The following SDCCAG8 variants were observed in gnomAD, a reference collection of about 807,000 sequenced individuals.
SDCCAG8 encodes the protein SHH signaling and ciliogenesis regulator SDCCAG8.
SDCCAG8 carries 74 observed loss-of-function variants against 101.8 expected under a neutral mutation model. The observed-to-expected ratio is 0.73, with a 90% CI of 0.60 to 0.88. The LOEUF (loss-of-function observed/expected upper bound fraction) is 0.88. SDCCAG8 is among the 40% of genes least tolerant of loss of function. The pLI, the probability that SDCCAG8 is intolerant of heterozygous loss-of-function variation, is 0.00. For synonymous variants in SDCCAG8, 281 were observed against 292.9 expected (o/e 0.96, Z 0.41); for missense variants, 787 against 822.6 (o/e 0.96, Z 0.53).
chr1:243,347,512 G>A lies in SDCCAG8; in HGVS notation c.1473+3181G>A, dbSNP rs1573466790. On this transcript the variant is annotated intron_variant, in intron 12 of 17. Transcript: ENST00000366541. ...TAGTAAAATTTCATCTTTCTTTGTT[G>A]TTGTCTGTTAAATTTTGTACATAAT... Among the ~76,000 whole-genome samples the A allele has an allele frequency of 2.0e-5, 3 of 152,208 alleles. No individual in the cohort carries two copies. In the South Asian group the frequency reaches 6.2e-4, roughly 32 times the overall value.
At chr1:243,268,608 A>G (rs1572861731) in intron 1 of SDCCAG8, among the ~76,000 whole-genome samples, 1 of 152,370 alleles carries the variant, frequency 6.6e-6, no homozygotes, top group East Asian at 1.9e-4. Context: ...CCTGAAATAC[A>G]TGTTTTCTTT....
chr1:243,494,522 C>T (rs1667322010), intron 17 of SDCCAG8, among the ~76,000 whole-genome samples: 1 of 152,168 alleles, frequency 6.6e-6, no homozygotes, highest in South Asian at 2.1e-4. Flanking sequence ...AGAAACTTCC[C>T]CAAACACCTC....
chr1:243,439,013 A>G (rs2082344001), intron 16 of SDCCAG8, among the ~76,000 whole-genome samples: 1 of 152,232 alleles, frequency 6.6e-6, no homozygotes, highest in African/African-American at 2.4e-5. Flanking sequence ...GAACCTGTGC[A>G]AGGATTAAAT....
chr1:243,274,785 A>T, intron 4 of SDCCAG8, 129 bp downstream of exon 4: 1 of 614,654 alleles, frequency 1.6e-6, no homozygotes, highest in Non-Finnish European at 3.0e-6. Flanking sequence ...TTCTTACGTG[A>T]TTGAGAGACT....
Position 243,451,607 on chromosome 1 carries a change from T to C in SDCCAG8, c.1985+25049T>C, listed in dbSNP as rs180792106. On this transcript the variant is annotated intron_variant, in intron 16 of 17. Coordinates refer to ENST00000366541, the MANE Select transcript of SDCCAG8 (RefSeq NM_006642.5). ...TAAGCACACATTGTACACACATGCA[T>C]ACAGACACTTACGTATATATACTAA... 3.3e-3 allele frequency among the ~76,000 whole-genome samples: 500 copies of C among 152,218 alleles called. 4 individuals are homozygous for C. The highest frequency in any genetic ancestry group is 0.012 in the African/African-American group (491 of 41,518).
At chr1:243,290,987 G>C (rs1280484855) in intron 5 of SDCCAG8, among the ~76,000 whole-genome samples, 1 of 152,150 alleles carries the variant, frequency 6.6e-6, no homozygotes, top group Non-Finnish European at 1.5e-5. Flanking sequence ...CACAGTGTCT[G>C]AACACCATAG....
At chr1:243,257,728 C>A (rs963116165) in intron 1 of SDCCAG8, among the ~76,000 whole-genome samples, 1 of 152,112 alleles carries the variant, frequency 6.6e-6, no homozygotes, top group Non-Finnish European at 1.5e-5. Flanking sequence ...GTAAAAAAAT[C>A]GGTTTTAATG....
At position 243,279,862 on chromosome 1, in the gene SDCCAG8, T is replaced by C. The variant is rs555949765; in HGVS notation, c.420+5206T>C. Among the ~76,000 whole-genome samples, 132 of 152,352 alleles carry C rather than the reference T, an allele frequency of 8.7e-4. 1 individual carries two copies. The highest frequency in any genetic ancestry group is 3.0e-3 in the African/African-American group (124 of 41,582). On this transcript the variant is annotated intron_variant, in intron 4 of 17. Coordinates refer to ENST00000366541, the MANE Select transcript of SDCCAG8 (RefSeq NM_006642.5). ...CATTAGACATATTGATCTGTAATTT[T>C]CCACTCTTGTAATGTTTTCACTTGG...
At chr1:243,452,414 CTTTTTTTTTTTTT>C (rs71574667) in intron 16 of SDCCAG8, among the ~76,000 whole-genome samples, 3 of 66,654 alleles carry the variant, frequency 4.5e-5, no homozygotes, top group East Asian at 3.8e-4. Context: ...GATCTCATCT[CTTTTTTTTTTTTT>C]TTTTTTTTTT....
intron 13 of SDCCAG8, among the ~76,000 whole-genome samples, chr1:243,412,069 C>A (rs2080220707): frequency 6.6e-6 from 1 of 152,116 alleles, no homozygotes; most frequent in Non-Finnish European, 1.5e-5. Flanking sequence ...TTGCCATCTA[C>A]TTTCTGTTTG....
At chr1:243,294,696 T>TTCCCCCCC (rs796839957) in intron 6 of SDCCAG8, among the ~76,000 whole-genome samples, 2 of 62,236 alleles carry the variant, frequency 3.2e-5, no homozygotes, top group East Asian at 6.0e-4. Context: ...CTTTCTAAAT[T>TTCCCCCCC]CCCCCCCCCC....
At chr1:243,326,294 T>C (rs954645155) in intron 9 of SDCCAG8, among the ~76,000 whole-genome samples, 1 of 152,174 alleles carries the variant, frequency 6.6e-6, no homozygotes, top group African/African-American at 2.4e-5. Flanking sequence ...TTCTGAAGAT[T>C]AGTTTTTAAA....
intron 12 of SDCCAG8, among the ~76,000 whole-genome samples, chr1:243,374,745 GAC>G (rs1200352153): frequency 5.9e-5 from 9 of 152,006 alleles, no homozygotes; most frequent in African/African-American, 2.2e-4. Context: ...GATGACTTAT[GAC>G]ACAGAAAACA....
intron 12 of SDCCAG8, among the ~76,000 whole-genome samples, chr1:243,370,186 G>A (rs997775934): frequency 2.6e-5 from 4 of 151,898 alleles, no homozygotes; most frequent in African/African-American, 9.7e-5. Context: ...GACATAAAAA[G>A]TCAAGATCTC....
intron 4 of SDCCAG8, among the ~76,000 whole-genome samples, chr1:243,278,284 A>G (rs562074722): frequency 5.8e-4 from 88 of 152,240 alleles, no homozygotes; most frequent in South Asian, 1.5e-3. Context: ...GCAATGTTGC[A>G]GTCTTAGCTC....
At chr1:243,421,046 T>C (rs2080963590) in intron 15 of SDCCAG8, among the ~76,000 whole-genome samples, 1 of 152,178 alleles carries the variant, frequency 6.6e-6, no homozygotes, top group Admixed American at 6.5e-5. Context: ...TTCTAAAGTT[T>C]TGTCATTGTG....
At chr1:243,271,710 T>C (rs1448054257) in intron 3 of SDCCAG8, among the ~76,000 whole-genome samples, 1 of 151,916 alleles carries the variant, frequency 6.6e-6, no homozygotes, top group Admixed American at 6.6e-5. Flanking sequence ...ACCAGGCTAA[T>C]TTTTTGTATT....
rs879879840 is a variant in SDCCAG8 at position 243,480,860 on chromosome 1, G to GTGGA, written c.1986-8142_1986-8139dup. On this transcript the variant is annotated intron_variant, in intron 16 of 17. Coordinates refer to ENST00000366541, the MANE Select transcript of SDCCAG8 (RefSeq NM_006642.5). ...ATGGATGGGTGGGGTGGATGGATGGGTGGATGGATGGATGGGTGGGATGGA... is the reference window on the plus strand; with the variant it reads ...ATGGATGGGTGGGGTGGATGGATGGGTGGATGGATGGATGGATGGGTGGGATGGA... 8.5e-3 allele frequency among the ~76,000 whole-genome samples: 827 copies of GTGGA among 97,468 alleles called. 13 individuals are homozygous for GTGGA. The highest frequency in any genetic ancestry group is 0.013 in the Non-Finnish European group (611 of 47,330). The allele number at this position is 97,468 out of a possible 152,430, so 63.9% of individuals were successfully genotyped here.
chr1:243,374,018 G>A (rs1319947688), intron 12 of SDCCAG8, among the ~76,000 whole-genome samples: 1 of 152,056 alleles, frequency 6.6e-6, no homozygotes, highest in Non-Finnish European at 1.5e-5. Flanking sequence ...TTTAAATACT[G>A]TATATTCTAA....
Sources: allele counts gnomAD v4.1 joint callset (sites outside exome capture counted in the v4.1 genomes callset), GRCh38; gene constraint gnomAD v4.1.1; transcripts MANE v1.5; gene names NCBI Gene and HGNC (gene_info 2026-07-23, HGNC 2026-07-21).